Variants in PATZ1 observed in about 807,000 individuals in gnomAD.
PATZ1 encodes the protein POZ/BTB and AT hook containing zinc finger 1, also known as POZ-, AT hook-, and zinc finger-containing protein 1.
In PATZ1, 9 loss-of-function variants were observed where a neutral mutation model predicts 46.2. That is an observed-to-expected ratio of 0.19 (90% CI 0.12 to 0.34). The LOEUF (loss-of-function observed/expected upper bound fraction) is 0.34, where lower values mean the gene tolerates loss of function less well. Among genes scored for constraint, PATZ1 ranks in the 10% least tolerant of loss-of-function variants. PATZ1 has a pLI of 1.00. For synonymous variants in PATZ1, 426 were observed against 378.6 expected (o/e 1.13, Z -1.45); for missense variants, 632 against 923.0 (o/e 0.68, Z 4.08).
At chr22:31,331,910 G>A (rs946879690) in intron 3 of PATZ1, among the ~76,000 whole-genome samples, 4 of 151,958 alleles carry the variant, frequency 2.6e-5, no homozygotes, top group Non-Finnish European at 4.4e-5. Flanking sequence ...TGGGAGTTCC[G>A]GACCAGCCTG....
chr22:31,333,309 A>G (rs969545713), intron 3 of PATZ1, among the ~76,000 whole-genome samples: 1 of 152,172 alleles, frequency 6.6e-6, no homozygotes, highest in African/African-American at 2.4e-5. Context: ...TCTGACATTC[A>G]GCCTTTGTTT....
At chr22:31,340,716 C>T (rs963622493) in intron 2 of PATZ1, 12 of 1,043,698 alleles carry the variant, frequency 1.1e-5, no homozygotes, top group South Asian at 4.6e-5. Context: ...CTGTTCACCC[C>T]GCAGAGTCTG....
intron 2 of PATZ1, among the ~76,000 whole-genome samples, chr22:31,338,608 C>T (rs761667283): frequency 7.6e-4 from 116 of 152,184 alleles, no homozygotes; most frequent in African/African-American, 2.8e-3. Flanking sequence ...TAAACACCCC[C>T]GGGAAAGAGA....
At chr22:31,334,814 C>G (rs2049487873) in intron 3 of PATZ1, among the ~76,000 whole-genome samples, 1 of 152,176 alleles carries the variant, frequency 6.6e-6, no homozygotes, top group South Asian at 2.1e-4. Context: ...GCTGCACCCA[C>G]TAAGCAGGCT....
Position 31,344,893 on chromosome 22 carries a change from A to G in PATZ1, c.710T>C (p.Met237Thr). The change falls in exon 1 of 5, where the codon ATG becomes ACG. Residue 237 changes from methionine to threonine, a missense_variant. Around this residue, in one of 7 missense-constraint regions of PATZ1, gnomAD observed 279 missense variants for 284.3 expected, o/e 0.98. Coordinates refer to ENST00000266269, the MANE Select transcript of PATZ1 (RefSeq NM_014323.3). ...TTGGGGGGATAGGGGTCCAGCCACC[A>G]TGGGCAAGCGGTCCACCCCAGGTAA... ...PVLPGVDRLP[M>T]VAGPLSPQLL... 2 of 1,613,240 alleles carry G rather than the reference A, an allele frequency of 1.2e-6. No individual in the cohort carries two copies. Among genetic ancestry groups the G allele is most frequent in the Non-Finnish European group, 1.7e-6 (2 of 1,179,986 alleles).
chr22:31,345,585 G>T lies in PATZ1; in HGVS notation c.18C>A (p.Asp6Glu). ...AGCAGCCAGACGGGCCGCACGAAGC[G>T]TCGTTCACCCGCTCCATGGCCGCCG... Reference protein sequence around the residue: MERVNDASCGPSGCYT... With the variant: MERVNEASCGPSGCYT... Residue 6 changes from aspartate to glutamate, a missense_variant, in exon 1 of 5, where the codon GAC becomes GAA. By Grantham distance (45) the Asp-to-Glu change is conservative. Coordinates refer to ENST00000266269, the MANE Select transcript of PATZ1 (RefSeq NM_014323.3). This position sits in a 1 kb window ranked among gnomAD's most constrained non-coding sequence, Gnocchi z 7.4. 1 of 1,593,124 alleles carries T rather than the reference G, an allele frequency of 6.3e-7. No homozygotes were observed. The highest frequency in any genetic ancestry group is 8.6e-7 in the Non-Finnish European group (1 of 1,164,712).
Position 31,337,296 on chromosome 22 carries a change from C to T in PATZ1, c.1336-1433G>A, listed in dbSNP as rs551556743. On this transcript the variant is annotated intron_variant, in intron 2 of 4. Coordinates refer to ENST00000266269, the MANE Select transcript of PATZ1 (RefSeq NM_014323.3). The stretch of plus-strand genomic sequence containing the variant: ...CCCTCCGAGGCAAGCTGTGTGATCA[C>T]CCTCCAAGACAGCGTGGCTTTGGAA... Among the ~76,000 whole-genome samples the T allele has an allele frequency of 2.6e-5, 4 of 152,280 alleles. No homozygotes were observed. In the South Asian group the frequency reaches 8.3e-4, roughly 32 times the overall value.
chr22:31,338,272 A>C (rs1686759367), intron 2 of PATZ1, among the ~76,000 whole-genome samples: 1 of 152,222 alleles, frequency 6.6e-6, no homozygotes, highest in Non-Finnish European at 1.5e-5. Context: ...AGACAGCTGG[A>C]CTAAGAACCA....
chr22:31,335,654 C>A, intron 3 of PATZ1, 38 bp downstream of exon 3: 2 of 1,599,934 alleles, frequency 1.3e-6, no homozygotes, highest in Non-Finnish European at 1.7e-6. Flanking sequence ...CACGCTCAGG[C>A]CCATCCTCTG....
chr22:31,342,153 A>G (rs1262289305), intron 2 of PATZ1, among the ~76,000 whole-genome samples: 2 of 152,136 alleles, frequency 1.3e-5, no homozygotes, highest in Non-Finnish European at 2.9e-5. Context: ...CGCTATCCAC[A>G]CAGGAAGGCT....
chr22:31,345,383 A>C lies in PATZ1; in HGVS notation c.220T>G (p.Leu74Val), dbSNP rs1486154829. Residue 74 changes from leucine (L) to valine (V), a missense_variant, in exon 1 of 5, where the codon TTG (leucine) becomes GTG (valine). Coordinates refer to ENST00000266269, the MANE Select transcript of PATZ1 (RefSeq NM_014323.3). This position sits in a 1 kb window ranked among gnomAD's most constrained non-coding sequence, Gnocchi z 7.4. ...EYFESVFSAQ[L>V]GDGGAADGGP... ...CCGTCCGCAGCTCCGCCGTCGCCCA[A>C]CTGGGCGCTGAACACCGACTCAAAG... The C allele has an allele frequency of 6.2e-7, 1 of 1,607,950 alleles. No individual in the cohort carries two copies. Among genetic ancestry groups the C allele is most frequent in the East Asian group, 2.2e-5 (1 of 44,706 alleles).
rs1442590534 is a variant in PATZ1 at position 31,327,749 on chromosome 22, C to T, written c.1646-440G>A. On this transcript the variant is annotated intron_variant, in intron 4 of 4. Coordinates refer to ENST00000266269, the MANE Select transcript of PATZ1 (RefSeq NM_014323.3). This position sits in a 1 kb window ranked among gnomAD's most constrained non-coding sequence, Gnocchi z 4.2. ...CGCCTCCTGCACCAGACTAGCTGCA[C>T]CCTAGCAAGACAGGCAGAACCAGAG... Among the ~76,000 whole-genome samples, 4 of 152,146 alleles carry T rather than the reference C, an allele frequency of 2.6e-5. No homozygotes were observed. Among genetic ancestry groups the T allele is most frequent in the African/African-American group, 7.2e-5 (3 of 41,428 alleles).
chr22:31,344,374 C>G lies in PATZ1; in HGVS notation c.1229G>C (p.Gly410Ala). ...YHVRSHDGSV[G>A]KPYICQSCGK... Reference sequence around the variant, plus strand: ...ACAGCTCTGGCAGATGTAAGGCTTGCCCACGGACCCATCATGGGACCGCAC... The same window carrying G: ...ACAGCTCTGGCAGATGTAAGGCTTGGCCACGGACCCATCATGGGACCGCAC... The change falls in exon 1 of 5, where the codon GGC becomes GCC. Residue 410 changes from glycine to alanine, a missense_variant. Around this residue, in one of 7 missense-constraint regions of PATZ1, gnomAD observed 55 missense variants for 169.0 expected, o/e 0.33. Coordinates refer to ENST00000266269, the MANE Select transcript of PATZ1 (RefSeq NM_014323.3). The G allele has an allele frequency of 6.2e-7, 1 of 1,613,542 alleles. No homozygotes were observed. The highest frequency in any genetic ancestry group is 2.2e-5 in the East Asian group (1 of 44,876).
At chr22:31,330,543 T>C (rs527478872) in intron 3 of PATZ1, among the ~76,000 whole-genome samples, 1 of 152,192 alleles carries the variant, frequency 6.6e-6, no homozygotes, top group Admixed American at 6.5e-5. Flanking sequence ...TGGTCACACG[T>C]ACAGCTACTG....
Position 31,327,508 on chromosome 22 carries a change from G to C in PATZ1, c.1646-199C>G, listed in dbSNP as rs1165321095. ...ACAGGGGTGAAACGGCAGGGCCCTAGGGCTGCCAGCCTCCCTTGCTGTGGA... is the reference window on the plus strand; with the variant it reads ...ACAGGGGTGAAACGGCAGGGCCCTACGGCTGCCAGCCTCCCTTGCTGTGGA... On this transcript the variant is annotated intron_variant, in intron 4 of 4. Coordinates refer to ENST00000266269, the MANE Select transcript of PATZ1 (RefSeq NM_014323.3). This position sits in a 1 kb window ranked among gnomAD's most constrained non-coding sequence, Gnocchi z 4.2. Among the ~76,000 whole-genome samples, 5 of 152,190 alleles carry C rather than the reference G, an allele frequency of 3.3e-5. No homozygotes were observed. In the South Asian group the frequency reaches 8.3e-4, roughly 25 times the overall value.
At position 31,345,735 on chromosome 22, in the gene PATZ1, G is replaced by C; in HGVS notation, c.-133C>G. ...TGCCGGCCCGAGGCTCTGTAGTCTC[G>C]CAGGTGCGCCGAGTGTACACGCCCC... is the stretch of plus-strand genomic sequence containing the variant. On this transcript the variant is annotated 5_prime_UTR_variant, in exon 1 of 5. Transcript: ENST00000266269. The surrounding 1 kb of genome is among the most constrained non-coding windows in gnomAD (Gnocchi z 7.4). The C allele has an allele frequency of 1.1e-6, 1 of 919,664 alleles. No homozygotes were observed. The highest frequency in any genetic ancestry group is 2.7e-5 in the East Asian group (1 of 36,576). The allele number at this position is 919,664 out of a possible 1,614,324, so 57.0% of individuals were successfully genotyped here.
At position 31,345,174 on chromosome 22, in the gene PATZ1, C is replaced by A; in HGVS notation, c.429G>T (p.Leu143=). Residue 143 remains leucine (L), a synonymous_variant, in exon 1 of 5, where the codon CTG becomes CTT. Coordinates refer to ENST00000266269, the MANE Select transcript of PATZ1 (RefSeq NM_014323.3). This position sits in a 1 kb window ranked among gnomAD's most constrained non-coding sequence, Gnocchi z 7.4. ...AGATCTCGATAACCGACCTCATCAGCAGGAACTTGGCGGCCGTCATGAGTT... is the reference window on the plus strand; with the variant it reads ...AGATCTCGATAACCGACCTCATCAGAAGGAACTTGGCGGCCGTCATGAGTT... The part of the protein sequence containing the change: ...FPELMTAAKF[L]LMRSVIEICQ... 1 of 1,614,202 alleles carries A rather than the reference C, an allele frequency of 6.2e-7. No individual in the cohort carries two copies. The highest frequency in any genetic ancestry group is 8.5e-7 in the Non-Finnish European group (1 of 1,180,028).
intron 3 of PATZ1, among the ~76,000 whole-genome samples, chr22:31,332,019 G>C (rs2049450004): frequency 2.0e-5 from 3 of 152,178 alleles, no homozygotes; most frequent in Non-Finnish European, 4.4e-5. Context: ...GCTGAGGAAG[G>C]AGAATCGCTT....
chr22:31,344,356 T>C lies in PATZ1; in HGVS notation c.1247A>G (p.Gln416Arg). 6.2e-7 allele frequency: 1 copy of C among 1,611,876 alleles called. No individual in the cohort carries two copies. Among genetic ancestry groups the C allele is most frequent in the Non-Finnish European group, 8.5e-7 (1 of 1,178,726 alleles). ...CCTGGAGAAGCCTTTCCCACAGCTC[T>C]GGCAGATGTAAGGCTTGCCCACGGA... Reference protein sequence around the residue: ...DGSVGKPYICQSCGKGFSRPD... With the variant: ...DGSVGKPYICRSCGKGFSRPD... Residue 416 changes from glutamine (Q) to arginine (R), a missense_variant, in exon 1 of 5, where the codon CAG becomes CGG. Coordinates refer to ENST00000266269, the MANE Select transcript of PATZ1 (RefSeq NM_014323.3).
Sources: gnomAD v4.1 joint callset for allele counts (sites outside exome capture counted in the v4.1 genomes callset) on GRCh38, gnomAD v4.1.1 for gene constraint, gnomAD v4.1.1 regional missense constraint, Gnocchi (gnomAD v3.1) non-coding constraint, MANE v1.5 for transcripts, NCBI Gene and HGNC (gene_info 2026-07-23, HGNC 2026-07-21) for gene names.